The following PDE11A variants were observed in gnomAD, a reference collection of about 807,000 sequenced individuals.
The protein encoded by PDE11A is phosphodiesterase 11A, also known as dual 3',5'-cyclic-AMP and -GMP phosphodiesterase 11A.
Under a neutral mutation model 100.5 loss-of-function variants are expected in PDE11A, and 100 were observed. That is an observed-to-expected ratio of 1.00 (90% CI 0.85 to 1.18). PDE11A has a LOEUF of 1.18. Among genes scored for constraint, PDE11A ranks in the 50% most tolerant of loss-of-function variants. The probability of loss-of-function intolerance (pLI) is 0.00; values close to 1 mark genes in which losing one functional copy is unlikely to be tolerated. For synonymous variants in PDE11A, 381 were observed against 420.8 expected (o/e 0.91, Z 1.16); for missense variants, 1,141 against 1,152.6 (o/e 0.99, Z 0.15).
At chr2:178,050,218 TG>T (rs776588531) in intron 1 of PDE11A, among the ~76,000 whole-genome samples, 3 of 152,228 alleles carry the variant, frequency 2.0e-5, no homozygotes, top group Non-Finnish European at 2.9e-5. Context: ...CAGCCTCTGC[TG>T]GTGATACCCA....
intron 2 of PDE11A, among the ~76,000 whole-genome samples, chr2:178,096,476 G>T (rs551010463): frequency 6.6e-6 from 1 of 151,698 alleles, no homozygotes; most frequent in Non-Finnish European, 1.5e-5. Flanking sequence ...CCTGGCCCAC[G>T]TTTTTCTTTT....
chr2:177,912,431 T>C (rs553202493), intron 2 of PDE11A, among the ~76,000 whole-genome samples: 99 of 152,270 alleles, frequency 6.5e-4, no homozygotes, highest in African/African-American at 2.3e-3. Context: ...AGCATCAACA[T>C]CTATTCTCTT....
At chr2:177,937,099 T>C (rs1001369604) in intron 2 of PDE11A, among the ~76,000 whole-genome samples, 18 of 152,092 alleles carry the variant, frequency 1.2e-4, no homozygotes, top group Admixed American at 1.0e-3. Flanking sequence ...CAGAAGAACG[T>C]TGTACGTGCT....
At chr2:177,668,397 G>A (rs1055204308) in intron 18 of PDE11A, among the ~76,000 whole-genome samples, 31 of 152,230 alleles carry the variant, frequency 2.0e-4, no homozygotes, top group African/African-American at 6.3e-4. Context: ...TGTATCCCAA[G>A]CTAATATTTT....
chr2:178,023,406 TC>T (rs2086438562), intron 1 of PDE11A, among the ~76,000 whole-genome samples: 1 of 152,178 alleles, frequency 6.6e-6, no homozygotes, highest in African/African-American at 2.4e-5. Context: ...CACTGGAGGC[TC>T]CCTAAGGCAA....
At chr2:178,069,533 C>T (rs968244035) in intron 1 of PDE11A, among the ~76,000 whole-genome samples, 1 of 152,184 alleles carries the variant, frequency 6.6e-6, no homozygotes, top group East Asian at 1.9e-4. Flanking sequence ...TGCCAGTCCT[C>T]CCAACAACCC....
intron 10 of PDE11A, among the ~76,000 whole-genome samples, chr2:177,735,304 G>A (rs985067995): frequency 1.3e-5 from 2 of 152,006 alleles, no homozygotes; most frequent in Non-Finnish European, 2.9e-5. Context: ...ATGTTTAAAG[G>A]TCATAGAGAA....
intron 12 of PDE11A, among the ~76,000 whole-genome samples, chr2:177,726,947 G>A (rs1202750066): frequency 6.6e-6 from 1 of 152,002 alleles, no homozygotes; most frequent in Non-Finnish European, 1.5e-5. Flanking sequence ...CTTGATGATA[G>A]TGTAACAATG....
At chr2:178,014,169 C>T (rs1574341800) in intron 2 of PDE11A, 133 bp downstream of exon 2, 1 of 686,388 alleles carries the variant, frequency 1.5e-6, no homozygotes, top group East Asian at 2.6e-5. Context: ...ATTTTGTATA[C>T]CATGAGAAAA....
At chr2:177,704,865 G>A (rs896799919) in intron 13 of PDE11A, among the ~76,000 whole-genome samples, 1 of 151,556 alleles carries the variant, frequency 6.6e-6, no homozygotes, top group East Asian at 1.9e-4. Context: ...TTTTTGAGAC[G>A]GAATCTCGCC....
intron 2 of PDE11A, among the ~76,000 whole-genome samples, chr2:178,094,537 A>G (rs533157384): frequency 6.6e-6 from 1 of 152,302 alleles, no homozygotes; most frequent in East Asian, 1.9e-4. Flanking sequence ...GTCTCGAAAA[A>G]CAAAAACGAA....
intron 1 of PDE11A, among the ~76,000 whole-genome samples, chr2:178,070,938 C>A (rs1186860274): frequency 6.6e-6 from 1 of 152,190 alleles, no homozygotes; most frequent in Non-Finnish European, 1.5e-5. Flanking sequence ...TAAGAAGGCA[C>A]AAGTGAGTCA....
At chr2:177,891,206 C>T (rs568253119) in intron 4 of PDE11A, among the ~76,000 whole-genome samples, 1 of 152,196 alleles carries the variant, frequency 6.6e-6, no homozygotes, top group Admixed American at 6.5e-5. Context: ...AAGAGAATTG[C>T]TTGAACCCGG....
At chr2:177,926,104 T>G (rs2085121386) in intron 2 of PDE11A, among the ~76,000 whole-genome samples, 2 of 152,218 alleles carry the variant, frequency 1.3e-5, no homozygotes, top group South Asian at 4.1e-4. Context: ...AAACAATTCC[T>G]GTCATTGGAA....
intron 1 of PDE11A, among the ~76,000 whole-genome samples, chr2:178,038,476 T>A (rs1447016762): frequency 6.6e-6 from 1 of 151,840 alleles, no homozygotes; most frequent in Non-Finnish European, 1.5e-5. Flanking sequence ...TTGTAATACA[T>A]ATAACCAATA....
At chr2:178,091,303 T>C (rs983168847) in intron 2 of PDE11A, among the ~76,000 whole-genome samples, 2 of 152,166 alleles carry the variant, frequency 1.3e-5, no homozygotes, top group Non-Finnish European at 2.9e-5. Context: ...ATTCCTGGGC[T>C]CAAGCGATCT....
intron 1 of PDE11A, among the ~76,000 whole-genome samples, chr2:178,070,097 T>G (rs1400233800): frequency 6.6e-6 from 1 of 152,240 alleles, no homozygotes; most frequent in Non-Finnish European, 1.5e-5. Flanking sequence ...ACATATGAAT[T>G]ATTAAATGCT....
At chr2:178,027,142 C>T (rs1256889909) in intron 1 of PDE11A, among the ~76,000 whole-genome samples, 1 of 151,902 alleles carries the variant, frequency 6.6e-6, no homozygotes, top group Non-Finnish European at 1.5e-5. Context: ...CAAGAAGTAA[C>T]AAAAGTCTTT....
At chr2:177,944,687 A>G (rs1262367127) in intron 2 of PDE11A, among the ~76,000 whole-genome samples, 1 of 152,170 alleles carries the variant, frequency 6.6e-6, no homozygotes, top group Non-Finnish European at 1.5e-5. Context: ...ACTACCAGGT[A>G]CCTCGGCTTC....
Sources: allele counts gnomAD v4.1 joint callset (sites outside exome capture counted in the v4.1 genomes callset), GRCh38; gene constraint gnomAD v4.1.1; transcripts MANE v1.5; gene names NCBI Gene and HGNC (gene_info 2026-07-23, HGNC 2026-07-21).